Variants in SEPTIN9 observed in about 807,000 individuals in gnomAD.
SEPTIN9 encodes septin-9.
In SEPTIN9, 13 loss-of-function variants were observed where a neutral mutation model predicts 56.6. The ratio of observed to expected loss-of-function variants is 0.23; its 90% CI spans 0.15 to 0.37. SEPTIN9 has a LOEUF of 0.37. Ranked by LOEUF, SEPTIN9 falls within the 10% of genes least tolerant of loss-of-function variation. The pLI, the probability that SEPTIN9 is intolerant of heterozygous loss-of-function variation, is 1.00. For synonymous variants in SEPTIN9, 332 were observed against 334.1 expected, an observed-to-expected ratio of 0.99 and a Z score of 0.07; for missense variants, 650 against 823.1, an observed-to-expected ratio of 0.79 and a Z score of 2.57.
At chr17:77,351,393 A>C (rs1413861080) in intron 2 of SEPTIN9, among the ~76,000 whole-genome samples, 1 of 152,232 alleles carries the variant, frequency 6.6e-6, no homozygotes, top group Non-Finnish European at 1.5e-5. Context: ...TGAAGGGAAC[A>C]TTAAGTGGGG....
At chr17:77,377,638 G>A (rs1334588776) in intron 2 of SEPTIN9, among the ~76,000 whole-genome samples, 2 of 152,144 alleles carry the variant, frequency 1.3e-5, no homozygotes, top group Non-Finnish European at 2.9e-5. Context: ...GCTGTGGGAC[G>A]GGCTTCTGGG....
chr17:77,494,905 G>C (rs996295867), intron 10 of SEPTIN9, among the ~76,000 whole-genome samples: 2 of 152,230 alleles, frequency 1.3e-5, no homozygotes, highest in African/African-American at 2.4e-5. Flanking sequence ...GAGCTGCCCA[G>C]CTGGGTGCAG....
At position 77,307,097 on chromosome 17, in the gene SEPTIN9, G is replaced by A. The variant is rs181650869; in HGVS notation, c.20-44G>A. ...TTAATCATCCACCCGGAGGGAGAGC[G>A]CCAGTGGCCTTGTGTGACCTTTGCC... On this transcript the variant is annotated intron_variant, in intron 1 of 11. Transcript: ENST00000427177. The A allele has an allele frequency of 1.0e-4, 162 of 1,575,648 alleles. No homozygotes were observed. In the East Asian group the frequency reaches 2.9e-3, roughly 29 times the overall value.
At chr17:77,469,652 C>G (rs1272703241) in intron 3 of SEPTIN9, 1 of 152,252 alleles carries the variant, frequency 6.6e-6, no homozygotes, top group Non-Finnish European at 1.5e-5. Flanking sequence ...AAGGTGTGAC[C>G]AGGTAGCGGT....
rs752525586 is a variant in SEPTIN9, at chr17:77,487,812, T to TGGCTGGGGATG, written c.1042+272_1042+282dup. Among the ~76,000 whole-genome samples the TGGCTGGGGATG allele has an allele frequency of 1.3e-5, 2 of 151,958 alleles. No individual in the cohort carries two copies. The highest frequency in any genetic ancestry group is 2.1e-4 in the South Asian group (1 of 4,814). On this transcript the variant is annotated intron_variant, in intron 5 of 11. Coordinates refer to ENST00000427177, the MANE Select transcript of SEPTIN9 (RefSeq NM_001113491.2). The surrounding 1 kb of genome is among the most constrained non-coding windows in gnomAD (Gnocchi z 4.3). ...GGTCAAGACCATCACACACGGTCAG[T>TGGCTGGGGATG]GGCTGGGGATGGGCTGGGGATGTGG...
At chr17:77,491,223 CTTT>C (rs67717908) in intron 8 of SEPTIN9, among the ~76,000 whole-genome samples, 3 of 149,504 alleles carry the variant, frequency 2.0e-5, no homozygotes, top group African/African-American at 4.9e-5. Flanking sequence ...TATGCCCCCC[CTTT>C]TTTTTTTTGA....
intron 3 of SEPTIN9, among the ~76,000 whole-genome samples, chr17:77,426,367 G>A (rs183249286): frequency 2.6e-5 from 4 of 152,180 alleles, no homozygotes; most frequent in East Asian, 1.9e-4. Context: ...ATGCAGTGGC[G>A]CAACAGCGTG....
At chr17:77,497,387 G>A (rs1322895828) in intron 11 of SEPTIN9, 21 bp downstream of exon 11, 3 of 1,612,314 alleles carry the variant, frequency 1.9e-6, no homozygotes, top group Non-Finnish European at 2.5e-6. Flanking sequence ...GGGTGCTTGG[G>A]TGGGGCTGAC....
intron 3 of SEPTIN9, among the ~76,000 whole-genome samples, chr17:77,409,555 C>G (rs971586794): frequency 2.0e-5 from 3 of 152,176 alleles, no homozygotes; most frequent in African/African-American, 7.2e-5. Flanking sequence ...TTCTCTGCTC[C>G]GCCCCCTGCA....
At chr17:77,289,471 C>T (rs1190504854) in intron 1 of SEPTIN9, among the ~76,000 whole-genome samples, 5 of 144,924 alleles carry the variant, frequency 3.5e-5, no homozygotes, top group Admixed American at 1.4e-4. Context: ...TGCAAAGGCG[C>T]GATCTCAGCT....
intron 1 of SEPTIN9, among the ~76,000 whole-genome samples, chr17:77,295,837 C>T (rs2031787565): frequency 6.6e-6 from 1 of 151,440 alleles, no homozygotes; most frequent in African/African-American, 2.4e-5. Flanking sequence ...TGCTTGCAAT[C>T]ATTGGCGACG....
chr17:77,414,753 T>C (rs1270111312), intron 3 of SEPTIN9, among the ~76,000 whole-genome samples: 2 of 152,016 alleles, frequency 1.3e-5, no homozygotes, highest in African/African-American at 4.8e-5. Flanking sequence ...AATTTTTGTA[T>C]TTTTTGTAGA....
intron 1 of SEPTIN9, among the ~76,000 whole-genome samples, chr17:77,297,091 G>C (rs1365420313): frequency 1.3e-5 from 2 of 152,304 alleles, no homozygotes; most frequent in South Asian, 4.1e-4. Flanking sequence ...GAATTTATTA[G>C]GGGAATTGGC....
intron 2 of SEPTIN9, among the ~76,000 whole-genome samples, chr17:77,393,089 G>A (rs968346523): frequency 2.0e-5 from 3 of 152,218 alleles, no homozygotes; most frequent in Admixed American, 6.5e-5. Context: ...CCAGAAGCAG[G>A]TCCTGAGACA....
At position 77,425,696 on chromosome 17, in the gene SEPTIN9, C is replaced by G. The variant is rs2036881237; in HGVS notation, c.721+22993C>G. Among the ~76,000 whole-genome samples the G allele has an allele frequency of 6.6e-6, 1 of 152,230 alleles. No homozygotes were observed. Among genetic ancestry groups the G allele is most frequent in the South Asian group, 2.1e-4 (1 of 4,834 alleles). On this transcript the variant is annotated intron_variant, in intron 3 of 11. Transcript: ENST00000427177. This position sits in a 1 kb window ranked among gnomAD's most constrained non-coding sequence, Gnocchi z 4.2. ...GGTAGGGTCTTTGTGCCCCCTCCCACCCAGGGACCTGGCATGTTGGGAGGC... is the reference window on the plus strand; with the variant it reads ...GGTAGGGTCTTTGTGCCCCCTCCCAGCCAGGGACCTGGCATGTTGGGAGGC...
rs1331701374 is a variant in SEPTIN9 at position 77,310,979 on chromosome 17, T to C, written c.76+3782T>C. Reference sequence around the variant, plus strand: ...GAACCGTGTCCCCCACAAACTCATGTCCACCAAAAACCTCAGAATGTGACC... The same window carrying C: ...GAACCGTGTCCCCCACAAACTCATGCCCACCAAAAACCTCAGAATGTGACC... On this transcript the variant is annotated intron_variant, in intron 2 of 11. Transcript: ENST00000427177. This position sits in a 1 kb window ranked among gnomAD's most constrained non-coding sequence, Gnocchi z 4.7. 1.3e-5 allele frequency among the ~76,000 whole-genome samples: 2 copies of C among 152,144 alleles called. No homozygotes were observed. The highest frequency in any genetic ancestry group is 4.8e-5 in the African/African-American group (2 of 41,436).
At chr17:77,452,243 C>T (rs181016211) in intron 3 of SEPTIN9, among the ~76,000 whole-genome samples, 24 of 152,346 alleles carry the variant, frequency 1.6e-4, no homozygotes, top group Non-Finnish European at 2.8e-4. Flanking sequence ...AGGGATCTCC[C>T]TAACGGACCT....
At chr17:77,416,439 A>G (rs72896162) in intron 3 of SEPTIN9, among the ~76,000 whole-genome samples, 56,726 of 151,834 alleles carry the variant, frequency 0.37, 11,106 homozygotes, top group African/African-American at 0.43. Context: ...AGTGTGATGA[A>G]TAACGGGGCC....
At chr17:77,496,543 C>G (rs755684646) in intron 10 of SEPTIN9, among the ~76,000 whole-genome samples, 4 of 152,178 alleles carry the variant, frequency 2.6e-5, no homozygotes, top group African/African-American at 4.8e-5. Context: ...ACCGCGTGTT[C>G]ATATAGGAGT....
Sources: gnomAD v4.1 joint callset for allele counts (sites outside exome capture counted in the v4.1 genomes callset) on GRCh38, gnomAD v4.1.1 for gene constraint, Gnocchi (gnomAD v3.1) non-coding constraint, MANE v1.5 for transcripts, NCBI Gene and HGNC (gene_info 2026-07-23, HGNC 2026-07-21) for gene names.